Variants in RYR2 observed in about 807,000 individuals in gnomAD.
The protein encoded by RYR2 is ryanodine receptor 2.
A neutral mutation model predicts 601.1 loss-of-function variants in RYR2; 227 were observed. The observed-to-expected ratio is 0.38, with a 90% confidence interval of 0.34 to 0.42. The LOEUF (loss-of-function observed/expected upper bound fraction) is 0.42, where lower values mean the gene tolerates loss of function less well. Ranked by LOEUF, RYR2 falls within the 10% of genes least tolerant of loss-of-function variation. The pLI is 1.00. For missense variants in RYR2, 4,646 were observed against 6,156.5 expected (o/e 0.75, Z 8.21); for synonymous variants, 2,223 against 2,175.1 (o/e 1.02, Z -0.61).
chr1:237,814,054 G>A (rs1008246831), intron 100 of RYR2, among the ~76,000 whole-genome samples: 1 of 152,136 alleles, frequency 6.6e-6, no homozygotes, highest in Non-Finnish European at 1.5e-5. Context: ...ACTCCCACAT[G>A]GGAATGGAGG....
chr1:237,043,645 T>C (rs1660206830), intron 1 of RYR2, among the ~76,000 whole-genome samples: 1 of 152,188 alleles, frequency 6.6e-6, no homozygotes, highest in Non-Finnish European at 1.5e-5. Context: ...TCTCCACTTC[T>C]GTCCTCCTTC....
rs546000494 is a variant in RYR2 at position 237,620,954 on chromosome 1, G to A, written c.5917-2811G>A. 2.4e-4 allele frequency among the ~76,000 whole-genome samples: 36 copies of A among 152,104 alleles called. No homozygotes were observed. In the South Asian group the frequency reaches 4.8e-3, roughly 20 times the overall value. The stretch of plus-strand genomic sequence containing the variant: ...AGGTTTGTAGACTACTCCACCCAAC[G>A]ACAAGGTACACACTCTTTTCAAGTG... On this transcript the variant is annotated intron_variant, in intron 38 of 104. Coordinates refer to ENST00000366574, the MANE Select transcript of RYR2 (RefSeq NM_001035.3).
intron 25 of RYR2, among the ~76,000 whole-genome samples, chr1:237,542,656 G>T (rs547466727): frequency 2.6e-5 from 4 of 152,048 alleles, no homozygotes; most frequent in Non-Finnish European, 4.4e-5. Context: ...GTTCCTTCTC[G>T]TGCCTCATCC....
intron 12 of RYR2, among the ~76,000 whole-genome samples, chr1:237,435,619 C>T (rs1015522976): frequency 5.3e-5 from 8 of 152,010 alleles, no homozygotes; most frequent in African/African-American, 9.7e-5. Context: ...TCTTTTTTAA[C>T]GACTGTAAGA....
chr1:237,330,470 C>T (rs1696598243), intron 2 of RYR2, among the ~76,000 whole-genome samples: 1 of 152,244 alleles, frequency 6.6e-6, no homozygotes, highest in Admixed American at 6.5e-5. Context: ...TAACTGCAAC[C>T]TCTGCCTCCT....
At chr1:237,727,401 C>G (rs1422115131) in intron 76 of RYR2, among the ~76,000 whole-genome samples, 1 of 152,090 alleles carries the variant, frequency 6.6e-6, no homozygotes, top group African/African-American at 2.4e-5. Context: ...TTAAATGACT[C>G]TTACTGAGGA....
At chr1:237,299,324 C>T (rs989429691) in intron 2 of RYR2, among the ~76,000 whole-genome samples, 3 of 151,952 alleles carry the variant, frequency 2.0e-5, no homozygotes, top group Non-Finnish European at 2.9e-5. Flanking sequence ...TGACTTTCTG[C>T]TAGAGAGAAA....
chr1:237,054,617 G>A (rs1313197828), intron 1 of RYR2, among the ~76,000 whole-genome samples: 3 of 152,082 alleles, frequency 2.0e-5, no homozygotes, highest in Non-Finnish European at 4.4e-5. Context: ...CTTCCTGATG[G>A]GCTGATATCT....
At chr1:237,239,739 ATAAT>A (rs1473267092) in intron 1 of RYR2, among the ~76,000 whole-genome samples, 1 of 152,158 alleles carries the variant, frequency 6.6e-6, no homozygotes, top group Admixed American at 6.5e-5. Context: ...CACAGCCTAA[ATAAT>A]TTCTTTTTAG....
At chr1:237,343,812 A>T (rs938348983) in intron 3 of RYR2, among the ~76,000 whole-genome samples, 1 of 149,024 alleles carries the variant, frequency 6.7e-6, no homozygotes, top group African/African-American at 2.5e-5. Context: ...TCCCCATAAG[A>T]GGTTTTTTGT....
chr1:237,690,930 C>G (rs1686886816), intron 63 of RYR2, among the ~76,000 whole-genome samples: 2 of 152,102 alleles, frequency 1.3e-5, no homozygotes, highest in South Asian at 4.2e-4. Flanking sequence ...ATCAGCTATG[C>G]CAGTGTGGAT....
intron 17 of RYR2, among the ~76,000 whole-genome samples, chr1:237,474,267 C>T (rs1661141659): frequency 1.4e-5 from 1 of 69,538 alleles, no homozygotes; most frequent in Admixed American, 1.6e-4. Context: ...GTATAGATAC[C>T]TACACACACA....
intron 1 of RYR2, among the ~76,000 whole-genome samples, chr1:237,205,223 G>A (rs1681671674): frequency 6.6e-6 from 1 of 152,206 alleles, no homozygotes; most frequent in Non-Finnish European, 1.5e-5. Flanking sequence ...GCTGGTTGGT[G>A]GGCCCTTGTT....
At chr1:237,052,684 C>A (rs1445645772) in intron 1 of RYR2, among the ~76,000 whole-genome samples, 1 of 151,768 alleles carries the variant, frequency 6.6e-6, no homozygotes, top group African/African-American at 2.4e-5. Flanking sequence ...CAGTTATGAG[C>A]CTGTAGGCAA....
intron 71 of RYR2, among the ~76,000 whole-genome samples, chr1:237,713,006 C>T (rs937308576): frequency 3.3e-5 from 5 of 152,150 alleles, no homozygotes; most frequent in East Asian, 1.9e-4. Context: ...CAAAAGTCAC[C>T]GGATCCTCAG....
chr1:237,295,094 T>C (rs1057252422), intron 2 of RYR2, among the ~76,000 whole-genome samples: 5 of 152,110 alleles, frequency 3.3e-5, no homozygotes, highest in Admixed American at 3.3e-4. Flanking sequence ...TGTGTGCCTG[T>C]AGTCCTAGTG....
At chr1:237,476,163 C>T (rs888854853) in intron 17 of RYR2, among the ~76,000 whole-genome samples, 31 of 152,156 alleles carry the variant, frequency 2.0e-4, no homozygotes, top group African/African-American at 6.0e-4. Context: ...CATTTCTTCC[C>T]CTCTCTTAGT....
intron 27 of RYR2, among the ~76,000 whole-genome samples, chr1:237,561,106 G>T (rs1428453675): frequency 7.4e-6 from 1 of 134,424 alleles, no homozygotes; most frequent in African/African-American, 2.6e-5. Flanking sequence ...AAGAGTGAGT[G>T]TATAAGAAAA....
chr1:237,502,051 G>A (rs1174300253), intron 21 of RYR2, among the ~76,000 whole-genome samples: 1 of 152,048 alleles, frequency 6.6e-6, no homozygotes, highest in Non-Finnish European at 1.5e-5. Flanking sequence ...TTAGCTACCC[G>A]GGAGGCTGAG....
Sources: gnomAD v4.1 joint callset for allele counts (sites outside exome capture counted in the v4.1 genomes callset) on GRCh38, gnomAD v4.1.1 for gene constraint, MANE v1.5 for transcripts, NCBI Gene and HGNC (gene_info 2026-07-23, HGNC 2026-07-21) for gene names.